Variants in UGT1A4 observed in about 807,000 individuals in gnomAD.
The protein encoded by UGT1A4 is UDP glucuronosyltransferase family 1 member A4.
A neutral mutation model predicts 41.1 loss-of-function variants in UGT1A4; 32 were observed. The observed-to-expected ratio is 0.78, with a 90% CI of 0.59 to 1.05. The LOEUF is 1.05. Ranked by LOEUF, UGT1A4 falls within the 50% of genes least tolerant of loss-of-function variation. The pLI is 0.00. For synonymous variants in UGT1A4, 283 were observed against 265.1 expected (o/e 1.07, Z -0.66); for missense variants, 748 against 677.4 (o/e 1.10, Z -1.16).
intron 1 of UGT1A4, chr2:233,741,484 T>C (rs1691677758): frequency 6.6e-6 from 1 of 151,932 alleles, no homozygotes. Flanking sequence ...CCTCGTCTGA[T>C]GTACAAAAAA....
Position 233,719,132 on chromosome 2 carries a change from A to G in UGT1A4, c.312A>G (p.Glu104=), listed in dbSNP as rs373602050. The G allele has an allele frequency of 5.0e-6, 8 of 1,614,122 alleles. No individual in the cohort carries two copies. The African/African-American group carries it at 6.7e-5, about 13-fold the overall frequency. The change falls in exon 1 of 5, where the codon GAA becomes GAG. Residue 104 remains glutamate, a synonymous_variant. Transcript: ENST00000373409. Reference sequence around the variant, plus strand: ...ACACTCAAGGGTTCTTTGAAACAGAACATCTTCTGAAGAGATATTCTAGAA... The same window carrying G: ...ACACTCAAGGGTTCTTTGAAACAGAGCATCTTCTGAAGAGATATTCTAGAA... ...LGYTQGFFET[E]HLLKRYSRSM... is the part of the protein sequence containing the mutation.
rs532530633 is a variant in UGT1A4 at position 233,719,343 on chromosome 2, T to A, written c.523T>A (p.Tyr175Asn). ...LSIPAVFFWR[Y>N]IPCDLDFKGT... is the part of the protein sequence containing the mutation. ...GATTCCTGCTGTGTTTTTTTGGAGG[T>A]ACATTCCATGTGACTTAGACTTTAA... The change falls in exon 1 of 5, where the codon TAC (tyrosine) becomes AAC (asparagine). Residue 175 changes from tyrosine (Y) to asparagine (N), a missense_variant. Physicochemically the swap from Tyr to Asn is moderately radical, Grantham distance 143 (BLOSUM62 -2). Coordinates refer to ENST00000373409, the MANE Select transcript of UGT1A4 (RefSeq NM_007120.3). 2.5e-5 allele frequency: 40 copies of A among 1,613,928 alleles called. No homozygotes were observed. The highest frequency in any genetic ancestry group is 1.7e-4 in the Middle Eastern group (1 of 6,058).
chr2:233,719,372 C>T lies in UGT1A4; in HGVS notation c.552C>T (p.Gly184=), dbSNP rs374656877. 246 of 1,613,844 alleles carry T rather than the reference C, an allele frequency of 1.5e-4. No individual in the cohort carries two copies. In the Middle Eastern group the frequency reaches 2.5e-3, roughly 16 times the overall value. ...TTCCATGTGACTTAGACTTTAAGGG[C>T]ACACAGTGTCCAAATCCTTCCTCCT... is the stretch of plus-strand genomic sequence containing the variant. ...RYIPCDLDFK[G]TQCPNPSSYI... The change falls in exon 1 of 5, where the codon GGC becomes GGT. Residue 184 remains glycine (G), a synonymous_variant. Coordinates refer to ENST00000373409, the MANE Select transcript of UGT1A4 (RefSeq NM_007120.3).
chr2:233,740,135 G>A (rs1178370483), intron 1 of UGT1A4, among the ~76,000 whole-genome samples: 1 of 151,922 alleles, frequency 6.6e-6, no homozygotes, highest in Non-Finnish European at 1.5e-5. Context: ...TGTCATGATT[G>A]TAAGTTTCCT....
chr2:233,757,549 T>TATATATATATATATATATACATATAC (rs1696618435), intron 1 of UGT1A4, among the ~76,000 whole-genome samples: 1 of 133,968 alleles, frequency 7.5e-6, no homozygotes, highest in Non-Finnish European at 1.6e-5. Context: ...TATATATATA[T>TATATATATATATATATATACATATAC]ATATATATAT....
At chr2:233,739,315 GAGA>G (rs1462380897) in intron 1 of UGT1A4, among the ~76,000 whole-genome samples, 27 of 152,314 alleles carry the variant, frequency 1.8e-4, no homozygotes, top group African/African-American at 5.5e-4. Context: ...GTGGAGTTGT[GAGA>G]AGAAGGCCAC....
chr2:233,747,595 G>A lies in UGT1A4; in HGVS notation c.868-19439G>A, dbSNP rs188498977. 1.9e-6 allele frequency: 3 copies of A among 1,576,476 alleles called. 1 individual carries two copies. In the African/African-American group the frequency reaches 4.1e-5, roughly 21 times the overall value. ...TCATCTTTGGTCTTTCATAGGTCTT[G>A]TGTGGAGCTACTGCATAATGAGGCC... On this transcript the variant is annotated intron_variant, in intron 1 of 4. Coordinates refer to ENST00000373409, the MANE Select transcript of UGT1A4 (RefSeq NM_007120.3).
intron 1 of UGT1A4, among the ~76,000 whole-genome samples, chr2:233,759,071 G>A (rs574786378): frequency 6.6e-6 from 1 of 152,312 alleles, no homozygotes; most frequent in South Asian, 2.1e-4. Context: ...AAGGAATTTG[G>A]AAGAAAGAGA....
At position 233,767,866 on chromosome 2, in the gene UGT1A4, T is replaced by G. The variant is rs772563329; in HGVS notation, c.1017T>G (p.Thr339=). Reference sequence around the variant, plus strand: ...CCTCCCAGGTCCTGTGGCGGTACACTGGAACCCGACCATCGAATCTTGCGA... The same window carrying G: ...CCTCCCAGGTCCTGTGGCGGTACACGGGAACCCGACCATCGAATCTTGCGA... ...KIPQTVLWRY[T]GTRPSNLANN... The change falls in exon 3 of 5, where the codon ACT becomes ACG. Residue 339 remains threonine (T), a synonymous_variant. Coordinates refer to ENST00000373409, the MANE Select transcript of UGT1A4 (RefSeq NM_007120.3). The G allele has an allele frequency of 3.1e-6, 5 of 1,614,214 alleles. No individual in the cohort carries two copies. The highest frequency in any genetic ancestry group is 4.2e-6 in the Non-Finnish European group (5 of 1,180,038).
chr2:233,724,305 C>G (rs2077214649), intron 1 of UGT1A4, among the ~76,000 whole-genome samples: 3 of 147,406 alleles, frequency 2.0e-5, no homozygotes, highest in Admixed American at 6.7e-5. Context: ...CCCCACCTCC[C>G]TCCCGGACGG....
intron 1 of UGT1A4, among the ~76,000 whole-genome samples, chr2:233,757,149 G>T (rs1696420476): frequency 6.6e-6 from 1 of 151,394 alleles, no homozygotes; most frequent in South Asian, 2.1e-4. Flanking sequence ...CAGGTGGGCT[G>T]GGGTCTATCC....
At chr2:233,747,246 G>A (rs1208197105) in intron 1 of UGT1A4, 9 of 1,601,988 alleles carry the variant, frequency 5.6e-6, no homozygotes, top group Non-Finnish European at 6.8e-6. Context: ...CCCTGCTGTG[G>A]CTGGCCACAG....
chr2:233,733,620 A>G lies in UGT1A4; in HGVS notation c.867+13933A>G, dbSNP rs138642238. ...TGATGGATTACATTTATTGATTTGC[A>G]TATGTTGAACCAGCCTTGCATCCCA... On this transcript the variant is annotated intron_variant, in intron 1 of 4. Coordinates refer to ENST00000373409, the MANE Select transcript of UGT1A4 (RefSeq NM_007120.3). 5.8e-3 allele frequency among the ~76,000 whole-genome samples: 878 copies of G among 152,316 alleles called. 10 individuals are homozygous for G. Among genetic ancestry groups the G allele is most frequent in the African/African-American group, 0.02 (842 of 41,576 alleles).
At chr2:233,764,368 C>T (rs546564495) in intron 1 of UGT1A4, among the ~76,000 whole-genome samples, 6 of 152,276 alleles carry the variant, frequency 3.9e-5, no homozygotes, top group Non-Finnish European at 8.8e-5. Context: ...TAGTAGCTGG[C>T]TCAGGTAGGA....
chr2:233,730,223 A>G (rs144120008), intron 1 of UGT1A4, among the ~76,000 whole-genome samples: 2 of 152,266 alleles, frequency 1.3e-5, no homozygotes, highest in Non-Finnish European at 2.9e-5. Flanking sequence ...AATGTTTGTA[A>G]AAGGATGGAC....
At chr2:233,722,926 T>C (rs2077050442) in intron 1 of UGT1A4, among the ~76,000 whole-genome samples, 1 of 129,968 alleles carries the variant, frequency 7.7e-6, no homozygotes, top group South Asian at 3.0e-4. Context: ...TCATCCTCAT[T>C]GTCTCCATGC....
At position 233,772,444 on chromosome 2, in the gene UGT1A4, T is replaced by C; in HGVS notation, c.1490T>C (p.Leu497Ser). 6.2e-7 allele frequency: 1 copy of C among 1,614,228 alleles called. No homozygotes were observed. Among genetic ancestry groups the C allele is most frequent in the South Asian group, 1.1e-5 (1 of 91,086 alleles). The change falls in exon 5 of 5, where the codon TTG (leucine) becomes TCG (serine). Residue 497 changes from leucine to serine, a missense_variant. Coordinates refer to ENST00000373409, the MANE Select transcript of UGT1A4 (RefSeq NM_007120.3). ...TCCTTGGACGTGATTGGTTTCCTCT[T>C]GGCCGTCGTGCTGACAGTGGCCTTC... ...YHSLDVIGFL[L>S]AVVLTVAFIT...
chr2:233,738,197 T>A (rs1427013274), intron 1 of UGT1A4, among the ~76,000 whole-genome samples: 18 of 152,174 alleles, frequency 1.2e-4, no homozygotes, highest in Admixed American at 1.2e-3. Flanking sequence ...TGCCTCTCTC[T>A]CACTTTCTGC....
At chr2:233,720,720 T>C (rs79066052) in intron 1 of UGT1A4, among the ~76,000 whole-genome samples, 5 of 150,478 alleles carry the variant, frequency 3.3e-5, no homozygotes, top group Non-Finnish European at 7.4e-5. Flanking sequence ...TTTTTTTTTT[T>C]CTTGAGACTG....
Sources: gnomAD v4.1 joint callset for allele counts (sites outside exome capture counted in the v4.1 genomes callset) on GRCh38, gnomAD v4.1.1 for gene constraint, MANE v1.5 for transcripts, NCBI Gene and HGNC (gene_info 2026-07-23, HGNC 2026-07-21) for gene names.